Variants in KCNJ6 observed in about 807,000 individuals in gnomAD.
KCNJ6 encodes the protein potassium inwardly rectifying channel subfamily J member 6.
Under a neutral mutation model 34.2 loss-of-function variants are expected in KCNJ6, and 9 were observed. The ratio of observed to expected loss-of-function variants is 0.26; its 90% CI spans 0.16 to 0.46. The LOEUF is 0.46. Ranked by LOEUF, KCNJ6 falls within the 20% of genes least tolerant of loss-of-function variation. The pLI is 1.00. For synonymous variants in KCNJ6, 196 were observed against 207.1 expected (o/e 0.95, Z 0.46); for missense variants, 236 against 531.3 (o/e 0.44, Z 5.46).
intron 2 of KCNJ6, among the ~76,000 whole-genome samples, chr21:37,720,360 G>A (rs1422263879): frequency 2.6e-5 from 4 of 152,116 alleles, no homozygotes; most frequent in South Asian, 2.1e-4. Context: ...CAAGAAAATC[G>A]TAACTAAACC....
intron 2 of KCNJ6, among the ~76,000 whole-genome samples, chr21:37,811,424 A>G (rs2055322001): frequency 6.6e-6 from 1 of 152,174 alleles, no homozygotes; most frequent in African/African-American, 2.4e-5. Context: ...ATTGGCATCA[A>G]AAGTGGGGGC....
chr21:37,674,121 C>T (rs938713640), intron 3 of KCNJ6, among the ~76,000 whole-genome samples: 4 of 152,170 alleles, frequency 2.6e-5, no homozygotes, highest in African/African-American at 9.7e-5. Flanking sequence ...ATATGGTTTG[C>T]GGAACTCAAC....
intron 3 of KCNJ6, among the ~76,000 whole-genome samples, chr21:37,684,054 T>A (rs1482727108): frequency 6.6e-6 from 1 of 152,238 alleles, no homozygotes; most frequent in African/African-American, 2.4e-5. Context: ...ATGATCAAAC[T>A]GCCCTATAAT....
In KCNJ6 at chr21:37,641,658, G is replaced by A. The variant is rs545525148; in HGVS notation, c.947-16174C>T. On this transcript the variant is annotated intron_variant, in intron 3 of 3. Coordinates refer to ENST00000609713, the MANE Select transcript of KCNJ6 (RefSeq NM_002240.5). Reference sequence around the variant, plus strand: ...CAGGGGGAAGAGCTGTTGTAGGAAGGCTCCTTGGGTGTTCAAGAAGCTGAA... The same window carrying A: ...CAGGGGGAAGAGCTGTTGTAGGAAGACTCCTTGGGTGTTCAAGAAGCTGAA... 5.3e-5 allele frequency among the ~76,000 whole-genome samples: 8 copies of A among 151,804 alleles called. No individual in the cohort carries two copies. In the South Asian group the frequency reaches 1.7e-3, roughly 32 times the overall value.
intron 3 of KCNJ6, among the ~76,000 whole-genome samples, chr21:37,673,221 A>G (rs1023351402): frequency 6.6e-6 from 1 of 152,368 alleles, no homozygotes; most frequent in South Asian, 2.1e-4. Context: ...GACCTGAACC[A>G]TCTCTAGGGC....
chr21:37,647,351 G>A (rs2054410192), intron 3 of KCNJ6, among the ~76,000 whole-genome samples: 2 of 152,116 alleles, frequency 1.3e-5, no homozygotes, highest in Admixed American at 6.5e-5. Flanking sequence ...GGATGGAGGG[G>A]AAGCTGTATT....
chr21:37,752,802 G>A (rs1403758056), intron 2 of KCNJ6, among the ~76,000 whole-genome samples: 3 of 152,182 alleles, frequency 2.0e-5, no homozygotes, highest in African/African-American at 7.2e-5. Context: ...AGCCAGGCTG[G>A]TGTGGATGAC....
chr21:37,880,524 G>A (rs1294425319), intron 1 of KCNJ6, among the ~76,000 whole-genome samples: 1 of 152,232 alleles, frequency 6.6e-6, no homozygotes, highest in African/African-American at 2.4e-5. Context: ...AGTCCTGATT[G>A]ATAAAACGGC....
At chr21:37,873,255 G>A (rs2055661379) in intron 1 of KCNJ6, among the ~76,000 whole-genome samples, 1 of 152,134 alleles carries the variant, frequency 6.6e-6, no homozygotes, top group Non-Finnish European at 1.5e-5. Context: ...TGCCGACGAT[G>A]GCTGTCATTG....
chr21:37,724,240 A>C (rs750897263), intron 2 of KCNJ6, among the ~76,000 whole-genome samples: 3 of 152,198 alleles, frequency 2.0e-5, no homozygotes, highest in Non-Finnish European at 4.4e-5. Context: ...GTCGGCAAGC[A>C]TTCTGTAAAG....
chr21:37,676,440 GT>G (rs149185573), intron 3 of KCNJ6, among the ~76,000 whole-genome samples: 3,707 of 152,362 alleles, frequency 0.024, 166 homozygotes, highest in African/African-American at 0.084. Flanking sequence ...ATGGATCTAT[GT>G]TGGGTGAAGC....
At chr21:37,678,747 T>C (rs887653242) in intron 3 of KCNJ6, among the ~76,000 whole-genome samples, 3 of 152,194 alleles carry the variant, frequency 2.0e-5, no homozygotes, top group African/African-American at 7.2e-5. Context: ...GCTTTGTACA[T>C]GTGGCTGAGA....
intron 3 of KCNJ6, among the ~76,000 whole-genome samples, chr21:37,703,559 A>T (rs1353880911): frequency 2.0e-5 from 3 of 152,202 alleles, no homozygotes; most frequent in Admixed American, 6.5e-5. Context: ...TATTAAATTC[A>T]TATTACATCT....
At chr21:37,707,712 A>AGTGTGTGTGTGTGTGTGTGTGTGT (rs1556022131) in intron 3 of KCNJ6, among the ~76,000 whole-genome samples, 2 of 132,774 alleles carry the variant, frequency 1.5e-5, no homozygotes, top group Non-Finnish European at 1.5e-5. Flanking sequence ...TTAGCTGTTT[A>AGTGTGTGTGTGTGTGTGTGTGTGT]GTATCTGTGC....
chr21:37,894,084 T>A (rs1037742726), intron 1 of KCNJ6, among the ~76,000 whole-genome samples: 6 of 152,192 alleles, frequency 3.9e-5, no homozygotes, highest in Admixed American at 2.0e-4. Flanking sequence ...GCTTAACCAT[T>A]CAACAAAACA....
chr21:37,660,439 C>T (rs1363658655), intron 3 of KCNJ6, among the ~76,000 whole-genome samples: 1 of 152,196 alleles, frequency 6.6e-6, no homozygotes, highest in East Asian at 1.9e-4. Flanking sequence ...GTGGGGTGTT[C>T]TGGCCCAGCT....
At chr21:37,729,727 C>T (rs1044381680) in intron 2 of KCNJ6, among the ~76,000 whole-genome samples, 8 of 152,186 alleles carry the variant, frequency 5.3e-5, no homozygotes, top group Non-Finnish European at 8.8e-5. Context: ...ATAGGTTGTC[C>T]GCTAACAAAG....
chr21:37,909,812 G>A, intron 1 of KCNJ6, among the ~76,000 whole-genome samples: 1 of 152,206 alleles, frequency 6.6e-6, no homozygotes, highest in East Asian at 1.9e-4. Context: ...AGTTAGCATA[G>A]TGGATTATAT....
chr21:37,647,600 C>G (rs1004225934), intron 3 of KCNJ6, among the ~76,000 whole-genome samples: 5 of 151,952 alleles, frequency 3.3e-5, no homozygotes, highest in Non-Finnish European at 7.4e-5. Context: ...TCACCTTAAT[C>G]CCCCCCAGAG....
Sources: gnomAD v4.1 joint callset for allele counts (sites outside exome capture counted in the v4.1 genomes callset) on GRCh38, gnomAD v4.1.1 for gene constraint, MANE v1.5 for transcripts, NCBI Gene and HGNC (gene_info 2026-07-23, HGNC 2026-07-21) for gene names.